Variants in KIAA0930 observed in about 807,000 individuals in gnomAD.
KIAA0930 encodes KIAA0930.
In KIAA0930, 24 loss-of-function variants were observed where a neutral mutation model predicts 43.9. The ratio of observed to expected loss-of-function variants is 0.55; its 90% CI spans 0.40 to 0.77. The LOEUF (loss-of-function observed/expected upper bound fraction) is 0.77. Among genes scored for constraint, KIAA0930 ranks in the 30% least tolerant of loss-of-function variants. The probability of loss-of-function intolerance (pLI) is 0.00; values close to 1 mark genes in which losing one functional copy is unlikely to be tolerated. For synonymous variants in KIAA0930, 259 were observed against 216.4 expected, an observed-to-expected ratio of 1.20 and a Z score of -1.73; for missense variants, 461 against 574.2, an observed-to-expected ratio of 0.80 and a Z score of 2.02.
intron 1 of KIAA0930, among the ~76,000 whole-genome samples, chr22:45,212,741 A>G (rs1206337684): frequency 1.3e-5 from 2 of 152,214 alleles, no homozygotes; most frequent in African/African-American, 2.4e-5. Flanking sequence ...TATTTGTAAT[A>G]TTTTCCTGCA....
rs555323416 is a variant in KIAA0930 at position 45,217,784 on chromosome 22, T to C, written c.65-5677A>G. Among the ~76,000 whole-genome samples the C allele has an allele frequency of 3.9e-5, 6 of 152,316 alleles. No homozygotes were observed. The East Asian group carries it at 1.2e-3, about 29-fold the overall frequency. On this transcript the variant is annotated intron_variant, in intron 1 of 9. Coordinates refer to ENST00000336156, the MANE Select transcript of KIAA0930 (RefSeq NM_001009880.2). The stretch of plus-strand genomic sequence containing the variant: ...TTCAGTGAGTAGGTGAATCCGTGAA[T>C]AATGACAATGGCCTGGACCAGGAAA...
At chr22:45,239,165 G>T (rs1449231552) in intron 1 of KIAA0930, among the ~76,000 whole-genome samples, 1 of 152,218 alleles carries the variant, frequency 6.6e-6, no homozygotes, top group Non-Finnish European at 1.5e-5. Context: ...GGACAGGGGA[G>T]TGGGGAGGGA....
rs115636991 is a variant in KIAA0930 at position 45,200,417 on chromosome 22, G to A, written c.853-382C>T. On this transcript the variant is annotated intron_variant, in intron 7 of 9. Transcript: ENST00000336156. ...ACAGACCCTCTGAGCCTCCAGCTCCGTGAGACAGGGGCTAGCGTCAGCCCA... is the reference window on the plus strand; with the variant it reads ...ACAGACCCTCTGAGCCTCCAGCTCCATGAGACAGGGGCTAGCGTCAGCCCA... Among the ~76,000 whole-genome samples, 1,090 of 152,262 alleles carry A rather than the reference G, an allele frequency of 7.2e-3. 10 individuals are homozygous for A. Among genetic ancestry groups the A allele is most frequent in the African/African-American group, 0.025 (1,029 of 41,558 alleles).
At chr22:45,230,869 G>C (rs895859218) in intron 1 of KIAA0930, among the ~76,000 whole-genome samples, 2 of 151,248 alleles carry the variant, frequency 1.3e-5, no homozygotes, top group Non-Finnish European at 2.9e-5. Context: ...CGTGAGCCAC[G>C]TCGCCCAGCC....
At chr22:45,233,969 C>A (rs2083870439) in intron 1 of KIAA0930, among the ~76,000 whole-genome samples, 1 of 152,216 alleles carries the variant, frequency 6.6e-6, no homozygotes, top group African/African-American at 2.4e-5. Context: ...TGCACAGGAG[C>A]TGCAGCTATG....
At chr22:45,205,589 C>A in intron 4 of KIAA0930, 41 bp downstream of exon 4, 2 of 1,582,762 alleles carry the variant, frequency 1.3e-6, no homozygotes, top group South Asian at 2.2e-5. Context: ...CCAGCCTGAA[C>A]TGGCAGTTAG....
At chr22:45,229,896 C>T (rs1345950978) in intron 1 of KIAA0930, among the ~76,000 whole-genome samples, 4 of 152,222 alleles carry the variant, frequency 2.6e-5, no homozygotes, top group African/African-American at 9.6e-5. Flanking sequence ...GAGTTCAAGA[C>T]CAGCCTGGCC....
At chr22:45,216,962 C>T (rs1171095181) in intron 1 of KIAA0930, among the ~76,000 whole-genome samples, 3 of 152,204 alleles carry the variant, frequency 2.0e-5, no homozygotes, top group South Asian at 2.1e-4. Flanking sequence ...TAGTCAGTAC[C>T]GACCCACTGG....
intron 1 of KIAA0930, among the ~76,000 whole-genome samples, chr22:45,220,830 C>T (rs2083763224): frequency 6.6e-6 from 1 of 152,196 alleles, no homozygotes; most frequent in African/African-American, 2.4e-5. Flanking sequence ...ATCCTCCCAC[C>T]TAGGCCTTCC....
intron 1 of KIAA0930, among the ~76,000 whole-genome samples, chr22:45,222,334 G>T (rs1339478216): frequency 6.6e-6 from 1 of 152,128 alleles, no homozygotes; most frequent in African/African-American, 2.4e-5. Flanking sequence ...TCTCTTATTT[G>T]AGACAGGGTC....
At chr22:45,209,168 G>A (rs2083669130) in intron 2 of KIAA0930, among the ~76,000 whole-genome samples, 3 of 152,232 alleles carry the variant, frequency 2.0e-5, no homozygotes, top group Non-Finnish European at 4.4e-5. Flanking sequence ...CCTGCTAGGT[G>A]CAGGAGGCCC....
chr22:45,222,233 T>C (rs576460466), intron 1 of KIAA0930, among the ~76,000 whole-genome samples: 1 of 152,298 alleles, frequency 6.6e-6, no homozygotes, highest in East Asian at 1.9e-4. Flanking sequence ...GGATTTTTTA[T>C]TCCCTCAGAG....
chr22:45,213,476 C>A, intron 1 of KIAA0930: 1 of 1,212,482 alleles, frequency 8.2e-7, no homozygotes, highest in Non-Finnish European at 1.1e-6. Flanking sequence ...ACCTCCCAGG[C>A]TCACAGGACC....
In KIAA0930 at chr22:45,197,523, G is replaced by A. The variant is rs553835573; in HGVS notation, c.1174+267C>T. Among the ~76,000 whole-genome samples, 147 of 152,316 alleles carry A rather than the reference G, an allele frequency of 9.7e-4. 2 individuals carry two copies. Among genetic ancestry groups the A allele is most frequent in the Admixed American group, 1.8e-3 (28 of 15,300 alleles). On this transcript the variant is annotated intron_variant, in intron 9 of 9. Transcript: ENST00000336156. Reference sequence around the variant, plus strand: ...GTGGCCTGAGAGCCTCCCCTCGCCCGTGAGTAACACACACCTGGGCATCTG... The same window carrying A: ...GTGGCCTGAGAGCCTCCCCTCGCCCATGAGTAACACACACCTGGGCATCTG...
At chr22:45,202,849 C>T (rs914588259) in intron 7 of KIAA0930, 141 bp downstream of exon 7, 14 of 693,378 alleles carry the variant, frequency 2.0e-5, no homozygotes, top group South Asian at 6.2e-5. Context: ...TCCGGGCCTC[C>T]GCACGCTCGG....
chr22:45,226,321 C>T (rs1187823825), intron 1 of KIAA0930: 12 of 471,100 alleles, frequency 2.5e-5, no homozygotes, highest in South Asian at 1.7e-4. Context: ...CTGGCAAGCT[C>T]GTGGGGTTGG....
At chr22:45,210,259 C>G (rs1341912689) in intron 2 of KIAA0930, among the ~76,000 whole-genome samples, 1 of 152,214 alleles carries the variant, frequency 6.6e-6, no homozygotes, top group African/African-American at 2.4e-5. Flanking sequence ...TGAGAGGCCA[C>G]AGTGGACGGA....
intron 2 of KIAA0930, among the ~76,000 whole-genome samples, 199 bp from the exon 3 acceptor site, chr22:45,206,111 G>T (rs1455111751): frequency 2.6e-5 from 4 of 152,170 alleles, no homozygotes; most frequent in African/African-American, 9.7e-5. Flanking sequence ...AACCTCCTGG[G>T]CTCAAATGAT....
chr22:45,212,207 A>C, intron 1 of KIAA0930, 100 bp from the exon 2 acceptor site: 1 of 1,613,060 alleles, frequency 6.2e-7, no homozygotes, highest in Non-Finnish European at 8.5e-7. Context: ...ATTTCTGGCC[A>C]GAAATTTGCG....
Sources: gnomAD v4.1 joint callset for allele counts (sites outside exome capture counted in the v4.1 genomes callset) on GRCh38, gnomAD v4.1.1 for gene constraint, MANE v1.5 for transcripts, NCBI Gene and HGNC (gene_info 2026-07-23, HGNC 2026-07-21) for gene names.